The following C17orf78 variants were observed in gnomAD, a reference collection of about 807,000 sequenced individuals.
C17orf78 encodes uncharacterized protein C17orf78.
C17orf78 carries 27 observed loss-of-function variants against 31.8 expected under a neutral mutation model. The ratio of observed to expected loss-of-function variants is 0.85; its 90% CI spans 0.63 to 1.17. The LOEUF (loss-of-function observed/expected upper bound fraction) is 1.17. Among genes scored for constraint, C17orf78 ranks in the 50% most tolerant of loss-of-function variants. The pLI is 0.00. For missense variants in C17orf78, 258 were observed against 315.2 expected (o/e 0.82, Z 1.37); for synonymous variants, 106 against 115.1 (o/e 0.92, Z 0.51).
intron 6 of C17orf78, 99 bp downstream of exon 6, chr17:37,389,461 C>CT (rs1422689218): frequency 3.2e-5 from 47 of 1,457,498 alleles, no homozygotes; most frequent in African/African-American, 4.2e-5. Flanking sequence ...CTTTGAGAGG[C>CT]TGAGGCAGGT....
rs1482700509 is a variant in C17orf78, at chr17:37,392,290, G to A, written c.*566G>A. On this transcript the variant is annotated 3_prime_UTR_variant, in exon 7 of 7. Coordinates refer to ENST00000615133, the MANE Select transcript of C17orf78 (RefSeq NM_173625.5). ...TCATAAGTTATCCCCAAGGGGTTCAGGGACTACAGACCATTAGTACCCAAG... is the reference window on the plus strand; with the variant it reads ...TCATAAGTTATCCCCAAGGGGTTCAAGGACTACAGACCATTAGTACCCAAG... 3 of 152,998 alleles carry A rather than the reference G, an allele frequency of 2.0e-5. No individual in the cohort carries two copies. The highest frequency in any genetic ancestry group is 7.2e-5 in the African/African-American group (3 of 41,454). 9.5% of individuals were successfully genotyped at this position (152,998 alleles called of 1,614,324 possible). A position where few individuals can be genotyped will look rare whatever the true frequency, so the allele number is the denominator to read the frequency against.
At position 37,391,657 on chromosome 17, in the gene C17orf78, A is replaced by G. The variant is rs775244197; in HGVS notation, c.761A>G (p.Asp254Gly). The G allele has an allele frequency of 6.2e-7, 1 of 1,613,854 alleles. No individual in the cohort carries two copies. The highest frequency in any genetic ancestry group is 8.5e-7 in the Non-Finnish European group (1 of 1,179,796). Residue 254 changes from aspartate to glycine, a missense_variant, in exon 7 of 7, where the codon GAT becomes GGT. Physicochemically the swap from Asp to Gly is moderately conservative, Grantham distance 94. Coordinates refer to ENST00000615133, the MANE Select transcript of C17orf78 (RefSeq NM_173625.5). Reference sequence around the variant, plus strand: ...CCTTTCAATCTCTAGGTTGGACAAGATGCTGCCAATTCATCAAACCCAAAG... The same window carrying G: ...CCTTTCAATCTCTAGGTTGGACAAGGTGCTGCCAATTCATCAAACCCAAAG... Reference protein sequence around the residue: ...PDSQPQKVGQDAANSSNPKKA... With the variant: ...PDSQPQKVGQGAANSSNPKKA...
chr17:37,379,722 G>C (rs2050161718), intron 3 of C17orf78, among the ~76,000 whole-genome samples: 1 of 151,316 alleles, frequency 6.6e-6, no homozygotes, highest in African/African-American at 2.4e-5. Flanking sequence ...AAACCACAAT[G>C]AGATACCATC....
intron 2 of C17orf78, 115 bp from the exon 3 acceptor site, chr17:37,379,022 T>G (rs1417908614): frequency 3.1e-6 from 4 of 1,279,964 alleles, no homozygotes; most frequent in African/African-American, 3.0e-5. Context: ...GAGTGAGCCA[T>G]GATTGCGACA....
At chr17:37,377,129 T>A (rs2050036671) in intron 1 of C17orf78, among the ~76,000 whole-genome samples, 1 of 152,128 alleles carries the variant, frequency 6.6e-6, no homozygotes, top group South Asian at 2.1e-4. Context: ...CCTATAGAGA[T>A]ACCAAGGTCA....
intron 3 of C17orf78, among the ~76,000 whole-genome samples, chr17:37,381,185 G>A (rs773188503): frequency 5.9e-5 from 9 of 151,782 alleles, no homozygotes; most frequent in Admixed American, 1.3e-4. Context: ...TTTTGTTGTT[G>A]TTGTTGTTGT....
At chr17:37,388,579 T>G (rs2050652436) in intron 4 of C17orf78, 91 bp from the exon 5 acceptor site, 1 of 1,440,814 alleles carries the variant, frequency 6.9e-7, no homozygotes, top group Non-Finnish European at 9.5e-7. Context: ...CTAATAGTCT[T>G]GTGAGCCAGA....
intron 3 of C17orf78, among the ~76,000 whole-genome samples, chr17:37,381,816 AT>A (rs754105362): frequency 6.8e-4 from 103 of 151,572 alleles, no homozygotes; most frequent in Non-Finnish European, 1.2e-3. Flanking sequence ...TTTGGTAGAG[AT>A]GGGGTTTCAC....
chr17:37,391,678 C>T lies in C17orf78; in HGVS notation c.782C>T (p.Pro261Leu). The T allele has an allele frequency of 6.2e-7, 1 of 1,613,894 alleles. No homozygotes were observed. Among genetic ancestry groups the T allele is most frequent in the Non-Finnish European group, 8.5e-7 (1 of 1,179,870 alleles). ...VGQDAANSSN[P>L]KKAAEITVIH... ...CAAGATGCTGCCAATTCATCAAACC[C>T]AAAGAAAGCTGCAGAGATCACTGTT... Residue 261 changes from proline (P) to leucine (L), a missense_variant, in exon 7 of 7, where the codon CCA becomes CTA. Transcript: ENST00000615133.
At chr17:37,389,125 T>C in intron 5 of C17orf78, 121 bp from the exon 6 acceptor site, 4 of 1,301,090 alleles carry the variant, frequency 3.1e-6, no homozygotes, top group Non-Finnish European at 4.2e-6. Context: ...ATAGGTCCAA[T>C]AGGACTGAAT....
chr17:37,390,293 ATTATACATAAT>A (rs2050782278), intron 6 of C17orf78, among the ~76,000 whole-genome samples: 2 of 35,894 alleles, frequency 5.6e-5, no homozygotes, highest in Non-Finnish European at 8.4e-5. Flanking sequence ...ATAATTATAT[ATTATACATAAT>A]TATATATATA....
intron 6 of C17orf78, among the ~76,000 whole-genome samples, chr17:37,390,294 T>C (rs2050781952): frequency 3.4e-5 from 1 of 29,414 alleles, no homozygotes; most frequent in Non-Finnish European, 5.1e-5. Flanking sequence ...TAATTATATA[T>C]TATACATAAT....
chr17:37,380,479 T>A (rs1401201434), intron 3 of C17orf78, among the ~76,000 whole-genome samples: 1 of 152,160 alleles, frequency 6.6e-6, no homozygotes. Flanking sequence ...CAAATCTACG[T>A]GCTCTCTGAG....
chr17:37,379,120 G>T lies in C17orf78; in HGVS notation c.146-17G>T. ...CAAAACCAGCTCCATTTTTCTATCT[G>T]GTTCTTCTCCTTCCAGAAACTCACA... is the stretch of plus-strand genomic sequence containing the variant. On this transcript the variant is annotated splice_polypyrimidine_tract_variant and intron_variant, in intron 2 of 6. Coordinates refer to ENST00000615133, the MANE Select transcript of C17orf78 (RefSeq NM_173625.5). 2 of 1,605,470 alleles carry T rather than the reference G, an allele frequency of 1.2e-6. No homozygotes were observed. The highest frequency in any genetic ancestry group is 1.1e-5 in the South Asian group (1 of 89,642).
rs774112283 is a variant in C17orf78, at chr17:37,377,900, G to T, written c.80G>T (p.Arg27Leu). 6.2e-7 allele frequency: 1 copy of T among 1,611,952 alleles called. No individual in the cohort carries two copies. The highest frequency in any genetic ancestry group is 2.2e-5 in the East Asian group (1 of 44,746). The change falls in exon 2 of 7, where the codon CGA becomes CTA. Residue 27 changes from arginine to leucine, a missense_variant. Transcript: ENST00000615133. The stretch of plus-strand genomic sequence containing the variant: ...CCAGACCTCAGAGATAGCAGTTGCC[G>T]ACTGGAACAGCTGCCTGGGATCTTC... ...NKKDLRDSSC[R>L]LEQLPGIFPK...
chr17:37,384,160 A>C (rs550323211), intron 3 of C17orf78, among the ~76,000 whole-genome samples: 5 of 152,322 alleles, frequency 3.3e-5, no homozygotes, highest in African/African-American at 9.6e-5. Context: ...GACAGTCTGC[A>C]TAGGAGGATG....
intron 6 of C17orf78, 69 bp from the exon 7 acceptor site, chr17:37,391,578 T>A: frequency 6.9e-7 from 1 of 1,450,456 alleles, no homozygotes; most frequent in South Asian, 1.1e-5. Flanking sequence ...AGCCAGCCCT[T>A]TTCTTGGTAC....
At chr17:37,390,334 A>ATATATATATATATATATATATCT (rs2050822111) in intron 6 of C17orf78, among the ~76,000 whole-genome samples, 2 of 93,440 alleles carry the variant, frequency 2.1e-5, no homozygotes, top group African/African-American at 4.5e-5. Flanking sequence ...ATATATATAT[A>ATATATATATATATATATATATCT]AAAGGCCAGC....
chr17:37,377,502 A>G (rs1421011154), intron 1 of C17orf78, among the ~76,000 whole-genome samples: 1 of 151,902 alleles, frequency 6.6e-6, no homozygotes, highest in Non-Finnish European at 1.5e-5. Flanking sequence ...TCTACTAAAA[A>G]TACAAAAATT....
Sources: gnomAD v4.1 joint callset for allele counts (sites outside exome capture counted in the v4.1 genomes callset) on GRCh38, gnomAD v4.1.1 for gene constraint, MANE v1.5 for transcripts, NCBI Gene and HGNC (gene_info 2026-07-23, HGNC 2026-07-21) for gene names.